SLC13A5: variants seen among roughly 807,000 people sequenced by gnomAD.
SLC13A5 encodes Na(+)/citrate cotransporter.
SLC13A5 carries 25 observed loss-of-function variants against 56.5 expected under a neutral mutation model. That is an observed-to-expected ratio of 0.44 (90% CI 0.32 to 0.62). The LOEUF is 0.62. SLC13A5 is among the 20% of genes least tolerant of loss of function. SLC13A5 has a pLI of 0.04. For synonymous variants in SLC13A5, 307 were observed against 301.5 expected (o/e 1.02, Z -0.19); for missense variants, 649 against 737.8 (o/e 0.88, Z 1.39).
intron 1 of SLC13A5, among the ~76,000 whole-genome samples, chr17:6,708,993 C>CTTTTTTTTTTTTT (rs575087645): frequency 3.0e-5 from 4 of 133,036 alleles, no homozygotes; most frequent in Admixed American, 7.6e-5. Flanking sequence ...TCTTTTATTT[C>CTTTTTTTTTTTTT]TTTTTTTTTT....
chr17:6,706,789 G>A lies in SLC13A5; in HGVS notation c.232-11C>T, dbSNP rs112805825. On this transcript the variant is annotated splice_polypyrimidine_tract_variant and intron_variant, in intron 2 of 11. Coordinates refer to ENST00000433363, the MANE Select transcript of SLC13A5 (RefSeq NM_177550.5). ...GTACTGGACACACACCTGGAGCGTG[G>A]CACGAAGGCCTCATCAGGACTGTCC... 1.6e-4 allele frequency: 257 copies of A among 1,613,808 alleles called. No homozygotes were observed. The African/African-American group carries it at 2.0e-3, about 13-fold the overall frequency.
At chr17:6,710,936 G>T (rs1003739680) in intron 1 of SLC13A5, among the ~76,000 whole-genome samples, 5 of 152,116 alleles carry the variant, frequency 3.3e-5, no homozygotes, top group Middle Eastern at 3.4e-3. Flanking sequence ...AGTGATACAA[G>T]AAATCTATCA....
At position 6,690,871 on chromosome 17, in the gene SLC13A5, T is replaced by G. The variant is rs771887641; in HGVS notation, c.1345A>C (p.Thr449Pro). 6.2e-7 allele frequency: 1 copy of G among 1,614,232 alleles called. No homozygotes were observed. The highest frequency in any genetic ancestry group is 8.5e-7 in the Non-Finnish European group (1 of 1,180,042). The stretch of plus-strand genomic sequence containing the variant: ...GCAACGAGCAAGGACAAGATCAAGG[T>G]GATGGCTGCCGGGGGCACTGCGTGC... ...PLHAVPPAAI[T>P]LILSLLVAVF... The change falls in exon 10 of 12, where the codon ACC becomes CCC. Residue 449 changes from threonine (T) to proline (P), a missense_variant. Transcript: ENST00000433363.
chr17:6,703,410 G>A (rs1187527856), intron 4 of SLC13A5, among the ~76,000 whole-genome samples: 3 of 152,220 alleles, frequency 2.0e-5, no homozygotes, highest in South Asian at 2.1e-4. Flanking sequence ...CACGGCAGAC[G>A]GCAAGGTAGA....
At chr17:6,705,913 T>G (rs935323282) in intron 3 of SLC13A5, among the ~76,000 whole-genome samples, 1 of 152,202 alleles carries the variant, frequency 6.6e-6, no homozygotes, top group Non-Finnish European at 1.5e-5. Context: ...GCAAATCACT[T>G]TATCCCTCTC....
chr17:6,708,414 G>A (rs957774319), intron 1 of SLC13A5, among the ~76,000 whole-genome samples: 3 of 152,158 alleles, frequency 2.0e-5, no homozygotes, highest in African/African-American at 7.2e-5. Context: ...TGCGTGACTC[G>A]AAAGCACAAA....
At position 6,702,952 on chromosome 17, in the gene SLC13A5, G is replaced by T. The variant is rs1164786946; in HGVS notation, c.716+18C>A. The T allele has an allele frequency of 1.2e-6, 2 of 1,605,450 alleles. No homozygotes were observed. The highest frequency in any genetic ancestry group is 1.7e-6 in the Non-Finnish European group (2 of 1,172,444). ...GTACCCACTTCGTTGTCCCCAGAAG[G>T]TGCGACCAAGGACTCACTCGTTCAT... On this transcript the variant is annotated intron_variant, in intron 5 of 11. Coordinates refer to ENST00000433363, the MANE Select transcript of SLC13A5 (RefSeq NM_177550.5).
At chr17:6,697,146 G>A (rs540038163) in intron 6 of SLC13A5, among the ~76,000 whole-genome samples, 1 of 152,302 alleles carries the variant, frequency 6.6e-6, no homozygotes, top group South Asian at 2.1e-4. Flanking sequence ...CTCTGCTGGT[G>A]TAAGACAGGG....
At position 6,704,592 on chromosome 17, in the gene SLC13A5, T is replaced by A. The variant is rs148844285; in HGVS notation, c.369-536A>T. The stretch of plus-strand genomic sequence containing the variant: ...AGGGAGCTTGGGAAAGTGTGACTAT[T>A]CTCCCGGCTGCCACTCCAACCCTGC... On this transcript the variant is annotated intron_variant, in intron 3 of 11. Transcript: ENST00000433363. 51 of 249,628 alleles carry A rather than the reference T, an allele frequency of 2.0e-4. 1 individual carries two copies. The highest frequency in any genetic ancestry group is 1.1e-3 in the African/African-American group (49 of 45,388). 15.5% of individuals were successfully genotyped at this position (249,628 alleles called of 1,614,324 possible).
At position 6,713,358 on chromosome 17, in the gene SLC13A5, G is replaced by C. The variant is rs756214364; in HGVS notation, c.-25C>G. The C allele has an allele frequency of 1.9e-6, 3 of 1,604,472 alleles. No individual in the cohort carries two copies. The highest frequency in any genetic ancestry group is 2.2e-5 in the East Asian group (1 of 44,760). On this transcript the variant is annotated 5_prime_UTR_variant, in exon 1 of 12. Coordinates refer to ENST00000433363, the MANE Select transcript of SLC13A5 (RefSeq NM_177550.5). The surrounding 1 kb of genome is among the most constrained non-coding windows in gnomAD (Gnocchi z 7.3). ...TCGCGCGGGAGGGAGACTGGCGGGC[G>C]AGACGAGTGAGGGGCAGCTAGAGGC...
chr17:6,691,334 C>T (rs570134938), intron 9 of SLC13A5, among the ~76,000 whole-genome samples: 6 of 152,210 alleles, frequency 3.9e-5, no homozygotes, highest in African/African-American at 7.2e-5. Flanking sequence ...GTCATGCTGC[C>T]GGTCTCTGTT....
chr17:6,691,713 G>T (rs1973409599), intron 9 of SLC13A5, among the ~76,000 whole-genome samples: 1 of 152,168 alleles, frequency 6.6e-6, no homozygotes, highest in African/African-American at 2.4e-5. Flanking sequence ...GAGATGGAAG[G>T]CTGCAGAGTC....
In SLC13A5 at chr17:6,709,108, T is replaced by A. The variant is rs562750168; in HGVS notation, c.103-1952A>T. ...TGGGCTCAAGGGATCCTTCCTTTTT[T>A]TTCCCTCCCTCATCAACATTATAAT... On this transcript the variant is annotated intron_variant, in intron 1 of 11. Transcript: ENST00000433363. Among the ~76,000 whole-genome samples the A allele has an allele frequency of 7.9e-5, 12 of 151,586 alleles. No individual in the cohort carries two copies. In the South Asian group the frequency reaches 1.3e-3, roughly 16 times the overall value.
At chr17:6,700,590 T>C (rs1973684109) in intron 6 of SLC13A5, among the ~76,000 whole-genome samples, 2 of 152,182 alleles carry the variant, frequency 1.3e-5, no homozygotes, top group East Asian at 1.9e-4. Flanking sequence ...TCTTCCTCCC[T>C]GTGCTGGGAG....
At chr17:6,705,221 A>G (rs955493211) in intron 3 of SLC13A5, 3 of 152,258 alleles carry the variant, frequency 2.0e-5, no homozygotes, top group Non-Finnish European at 2.9e-5. Flanking sequence ...GTTTGCATGA[A>G]TGGAGTTGTC....
chr17:6,693,958 ACT>A (rs1329191430), intron 8 of SLC13A5, 137 bp downstream of exon 8: 1 of 444,188 alleles, frequency 2.3e-6, no homozygotes, highest in Non-Finnish European at 3.9e-6. Flanking sequence ...CTTGAAAGCC[ACT>A]GTTTCCCAGG....
Position 6,686,120 on chromosome 17 carries a change from GA to G in SLC13A5, c.*86del. 1 of 1,567,218 alleles carries G rather than the reference GA, an allele frequency of 6.4e-7. No individual in the cohort carries two copies. On this transcript the variant is annotated 3_prime_UTR_variant, in exon 12 of 12. Transcript: ENST00000433363. ...ACATCGTTGGGTCATTTTGGGGTGT[GA>G]ACCCCAAAACTCTGTACAAGGTGTG...
intron 3 of SLC13A5, chr17:6,704,636 C>T: frequency 4.1e-6 from 1 of 241,282 alleles, no homozygotes; most frequent in East Asian, 9.5e-5. Flanking sequence ...CTCCGCCCCG[C>T]ACATACACTT....
intron 1 of SLC13A5, among the ~76,000 whole-genome samples, chr17:6,712,933 G>T (rs1597685579): frequency 6.6e-6 from 1 of 152,358 alleles, no homozygotes; most frequent in East Asian, 1.9e-4. Context: ...TGAGCCTAAG[G>T]CTGGGATCTG....
Sources: gnomAD v4.1 joint callset for allele counts (sites outside exome capture counted in the v4.1 genomes callset) on GRCh38, gnomAD v4.1.1 for gene constraint, Gnocchi (gnomAD v3.1) non-coding constraint, MANE v1.5 for transcripts, NCBI Gene and HGNC (gene_info 2026-07-23, HGNC 2026-07-21) for gene names.